Variants in RARS2 observed in about 807,000 individuals in gnomAD.
The protein encoded by RARS2 is probable arginine--tRNA ligase, mitochondrial.
Under a neutral mutation model 88.5 loss-of-function variants are expected in RARS2, and 67 were observed. The ratio of observed to expected loss-of-function variants is 0.76; its 90% CI spans 0.62 to 0.93. RARS2 has a LOEUF of 0.93. Ranked by LOEUF, RARS2 falls within the 40% of genes least tolerant of loss-of-function variation. RARS2 has a pLI of 0.00. For missense variants in RARS2, 664 were observed against 684.2 expected (o/e 0.97, Z 0.33); for synonymous variants, 239 against 230.3 (o/e 1.04, Z -0.34).
chr6:87,579,396 C>T (rs909864248), intron 1 of RARS2, among the ~76,000 whole-genome samples: 3 of 152,050 alleles, frequency 2.0e-5, no homozygotes, highest in Non-Finnish European at 2.9e-5. Flanking sequence ...CCTGGGTAGC[C>T]GTTCGGTAGT....
At chr6:87,578,108 C>A (rs1772159100) in intron 1 of RARS2, among the ~76,000 whole-genome samples, 2 of 119,408 alleles carry the variant, frequency 1.7e-5, no homozygotes, top group African/African-American at 3.8e-5. Context: ...CATAGCGAGA[C>A]CCCCCCCCCC....
At chr6:87,524,498 G>T in intron 11 of RARS2, 59 bp downstream of exon 11, 2 of 1,287,220 alleles carry the variant, frequency 1.6e-6, no homozygotes, top group Non-Finnish European at 2.3e-6. Flanking sequence ...TGTACATAGT[G>T]TTTCATCTGA....
intron 1 of RARS2, among the ~76,000 whole-genome samples, chr6:87,585,748 T>TAAATAA (rs1381784968): frequency 2.0e-5 from 3 of 151,580 alleles, no homozygotes; most frequent in Non-Finnish European, 4.4e-5. Context: ...AATAAATAAA[T>TAAATAA]AAATAAAAAT....
chr6:87,552,535 A>G (rs535518155), intron 5 of RARS2, among the ~76,000 whole-genome samples: 3 of 152,362 alleles, frequency 2.0e-5, no homozygotes, highest in East Asian at 3.9e-4. Flanking sequence ...GAAAAAAGCT[A>G]AGAGAGGTAA....
chr6:87,547,989 C>A (rs1257759169), intron 6 of RARS2, among the ~76,000 whole-genome samples: 1 of 152,142 alleles, frequency 6.6e-6, no homozygotes, highest in African/African-American at 2.4e-5. Flanking sequence ...ACTAAGTGCT[C>A]ACATGACCGA....
chr6:87,526,580 A>C (rs1775794097), intron 10 of RARS2, among the ~76,000 whole-genome samples: 1 of 144,244 alleles, frequency 6.9e-6, no homozygotes, highest in Admixed American at 7.1e-5. Context: ...AAACTATAGT[A>C]ATCAAAACAG....
chr6:87,519,849 G>T, intron 13 of RARS2, 142 bp from the exon 14 acceptor site: 2 of 1,008,308 alleles, frequency 2.0e-6, no homozygotes, highest in Non-Finnish European at 3.0e-6. Context: ...GATGTGATTT[G>T]TATGCTACAA....
At chr6:87,537,208 A>C (rs55755139) in intron 8 of RARS2, among the ~76,000 whole-genome samples, 16,671 of 152,344 alleles carry the variant, frequency 0.11, 960 homozygotes, top group East Asian at 0.15. Context: ...ATATGCCAGA[A>C]GGTTGAAAGT....
rs772358117 is a variant in RARS2, at chr6:87,518,614, T to G, written c.1415+16A>C. On this transcript the variant is annotated intron_variant, in intron 16 of 19. Transcript: ENST00000369536. ...AGCACAGTGCAGCACAAGGTTTCCC[T>G]GCAGCCTCTTCTCACCTGTGGAGGC... 40 of 1,598,668 alleles carry G rather than the reference T, an allele frequency of 2.5e-5. No individual in the cohort carries two copies. The highest frequency in any genetic ancestry group is 3.3e-5 in the Non-Finnish European group (39 of 1,166,682).
intron 14 of RARS2, 93 bp from the exon 15 acceptor site, chr6:87,518,984 G>T: frequency 8.4e-7 from 1 of 1,196,132 alleles, no homozygotes; most frequent in Non-Finnish European, 1.2e-6. Context: ...AATGTATGCT[G>T]ACAATCAAGA....
chr6:87,575,868 G>T (rs542666083), intron 1 of RARS2, among the ~76,000 whole-genome samples: 1 of 150,604 alleles, frequency 6.6e-6, no homozygotes, highest in East Asian at 1.9e-4. Flanking sequence ...CCAGGCTAGA[G>T]GGCAATGGTG....
chr6:87,586,937 C>T (rs1024869439), intron 1 of RARS2, among the ~76,000 whole-genome samples: 4 of 151,688 alleles, frequency 2.6e-5, no homozygotes, highest in African/African-American at 7.3e-5. Context: ...GAGACAGGGT[C>T]TTGCTTTACC....
Position 87,520,361 on chromosome 6 carries a change from AGTC to A in RARS2, c.1036-108_1036-106del, listed in dbSNP as rs971941643. The A allele has an allele frequency of 1.2e-5, 11 of 887,500 alleles. No homozygotes were observed. The African/African-American group carries it at 1.7e-4, about 14-fold the overall frequency. 55.0% of individuals were successfully genotyped at this position (887,500 alleles called of 1,614,324 possible). A position where few individuals can be genotyped will look rare whatever the true frequency, so the allele number is the denominator to read the frequency against. ...AGATATTTGAGGTCTGACAGACTAA[AGTC>A]GTCAATTGATATGTTTTAACTAAAC... On this transcript the variant is annotated intron_variant, in intron 12 of 19. Coordinates refer to ENST00000369536, the MANE Select transcript of RARS2 (RefSeq NM_020320.5).
intron 7 of RARS2, among the ~76,000 whole-genome samples, chr6:87,542,600 T>C (rs915595930): frequency 6.6e-6 from 1 of 151,806 alleles, no homozygotes; most frequent in African/African-American, 2.4e-5. Flanking sequence ...TATAATTTTT[T>C]AGTCTTTGAT....
intron 1 of RARS2, chr6:87,589,652 A>C: frequency 1.0e-6 from 1 of 984,750 alleles, no homozygotes; most frequent in Non-Finnish European, 1.2e-6. Flanking sequence ...CACCCAGGTA[A>C]AGCATTCATA....
intron 8 of RARS2, 98 bp from the exon 9 acceptor site, chr6:87,531,040 T>C (rs1394268832): frequency 9.0e-6 from 14 of 1,556,772 alleles, no homozygotes; most frequent in South Asian, 1.2e-5. Flanking sequence ...AGAATTCTCA[T>C]TTAAAATTTT....
intron 1 of RARS2, among the ~76,000 whole-genome samples, chr6:87,570,668 C>T (rs2128191200): frequency 6.6e-6 from 1 of 152,242 alleles, no homozygotes; most frequent in African/African-American, 2.4e-5. Flanking sequence ...GATCCACCCG[C>T]CTCAGACTCC....
intron 8 of RARS2, among the ~76,000 whole-genome samples, chr6:87,541,075 C>T (rs1010019705): frequency 8.6e-5 from 8 of 92,628 alleles, no homozygotes; most frequent in Non-Finnish European, 1.4e-4. Context: ...CATGTTTATT[C>T]TAAAAGATTC....
chr6:87,516,942 C>T, intron 17 of RARS2, 62 bp from the exon 18 acceptor site: 1 of 1,602,710 alleles, frequency 6.2e-7, no homozygotes, highest in Non-Finnish European at 8.5e-7. Context: ...AGACATTAGA[C>T]ATTAAAAGAT....
Sources: allele counts gnomAD v4.1 joint callset (sites outside exome capture counted in the v4.1 genomes callset), GRCh38; gene constraint gnomAD v4.1.1; transcripts MANE v1.5; gene names NCBI Gene and HGNC (gene_info 2026-07-23, HGNC 2026-07-21).